Variants in PPEF1 observed in about 807,000 individuals in gnomAD.
PPEF1 encodes the protein serine/threonine-protein phosphatase with EF-hands 1.
Under a neutral mutation model 53.3 loss-of-function variants are expected in PPEF1, and 12 were observed. The observed-to-expected ratio is 0.23, with a 90% CI of 0.14 to 0.36. The LOEUF (loss-of-function observed/expected upper bound fraction) is 0.36, where lower values mean the gene tolerates loss of function less well. Ranked by LOEUF, PPEF1 falls within the 10% of genes least tolerant of loss-of-function variation. The pLI, the probability that PPEF1 is intolerant of heterozygous loss-of-function variation, is 1.00. For synonymous variants in PPEF1, 165 were observed against 176.7 expected, an observed-to-expected ratio of 0.93 and a Z score of 0.52; for missense variants, 334 against 490.4, an observed-to-expected ratio of 0.68 and a Z score of 3.01.
chrX:18,827,122 T>A lies in PPEF1; in HGVS notation c.1751-154T>A, dbSNP rs184817460. 7.9e-4 allele frequency among the ~76,000 whole-genome samples: 89 copies of A among 112,410 alleles called. 1 individual carries two copies. The highest frequency in any genetic ancestry group is 7.0e-3 in the Admixed American group (74 of 10,537). ...AAAGTGAGATATTGTTTCTTACATT[T>A]ATGATCTTACTCTTCCATATCCTTC... On this transcript the variant is annotated intron_variant, in intron 15 of 15. Transcript: ENST00000470157.
chrX:18,716,867 C>T (rs1422389975), intron 1 of PPEF1, among the ~76,000 whole-genome samples: 1 of 110,209 alleles, frequency 9.1e-6, no homozygotes, highest in East Asian at 2.8e-4. Context: ...TCCTCATTTT[C>T]CTCCTCAATG....
intron 2 of PPEF1, among the ~76,000 whole-genome samples, chrX:18,685,682 C>T (rs1263422898): frequency 2.5e-5 from 2 of 80,401 alleles, no homozygotes; most frequent in Admixed American, 1.5e-4. Context: ...GAGACTCCAT[C>T]TCAAAAAAAA....
intron 6 of PPEF1, among the ~76,000 whole-genome samples, chrX:18,766,173 G>A (rs2045769584): frequency 9.0e-6 from 1 of 110,682 alleles, no homozygotes; most frequent in South Asian, 3.9e-4. Flanking sequence ...GCTTGGGGGT[G>A]ATGGTGCTTG....
chrX:18,807,905 C>A (rs1340695471), intron 12 of PPEF1, among the ~76,000 whole-genome samples: 1 of 109,392 alleles, frequency 9.1e-6, no homozygotes, highest in Non-Finnish European at 1.9e-5. Flanking sequence ...GGTGATTTGC[C>A]CGCCTCGGCC....
intron 3 of PPEF1, among the ~76,000 whole-genome samples, chrX:18,737,288 A>G (rs1294323592): frequency 8.0e-5 from 9 of 111,851 alleles, no homozygotes; most frequent in Non-Finnish European, 1.7e-4. Context: ...CCCTCTACAC[A>G]CTGCTTTAAA....
At chrX:18,738,089 CTG>C (rs1334463181) in intron 3 of PPEF1, among the ~76,000 whole-genome samples, 1 of 110,957 alleles carries the variant, frequency 9.0e-6, no homozygotes, top group East Asian at 2.8e-4. Context: ...ATTTGCCAGT[CTG>C]TGTCTTTTAA....
chrX:18,729,757 A>G (rs1160775312), intron 1 of PPEF1, among the ~76,000 whole-genome samples: 1 of 112,390 alleles, frequency 8.9e-6, no homozygotes, highest in Non-Finnish European at 1.9e-5. Context: ...GTACGTAGTG[A>G]AGAATGGAAT....
chrX:18,827,554 C>T lies in PPEF1; in HGVS notation c.*67C>T, dbSNP rs2047191447. 2 of 871,065 alleles carry T rather than the reference C, an allele frequency of 2.3e-6. No individual in the cohort carries two copies. The highest frequency in any genetic ancestry group is 3.1e-5 in the East Asian group (1 of 31,868). 71.8% of individuals were successfully genotyped at this position (871,065 alleles called of 1,213,427 possible). ...GCCCAAATCACAAGTACAGTCCTTTCCAACACCCCTGAAATTCATAGTCAG... is the reference window on the plus strand; with the variant it reads ...GCCCAAATCACAAGTACAGTCCTTTTCAACACCCCTGAAATTCATAGTCAG... On this transcript the variant is annotated 3_prime_UTR_variant, in exon 16 of 16. Coordinates refer to ENST00000470157, the MANE Select transcript of PPEF1 (RefSeq NM_001377996.1).
At chrX:18,749,154 C>T (rs2045388859) in intron 3 of PPEF1, among the ~76,000 whole-genome samples, 2 of 111,769 alleles carry the variant, frequency 1.8e-5, no homozygotes, top group Non-Finnish European at 3.8e-5. Context: ...GCAGGCACTC[C>T]GTTATGTAGA....
intron 12 of PPEF1, among the ~76,000 whole-genome samples, chrX:18,807,090 C>T (rs902184057): frequency 1.6e-4 from 17 of 109,675 alleles, no homozygotes; most frequent in African/African-American, 5.0e-4. Flanking sequence ...AGTGCAGTGG[C>T]GTGATCTCAG....
chrX:18,792,978 A>G (rs950276447), intron 10 of PPEF1, among the ~76,000 whole-genome samples: 3 of 110,336 alleles, frequency 2.7e-5, no homozygotes, highest in South Asian at 3.8e-4. Flanking sequence ...ATTTCCTGTC[A>G]TAGCTGAAGT....
intron 14 of PPEF1, 76 bp downstream of exon 14, chrX:18,824,162 C>T (rs1416580524): frequency 5.9e-6 from 6 of 1,015,313 alleles, no homozygotes; most frequent in Non-Finnish European, 7.9e-6. Context: ...CTGGGAGTGG[C>T]CGGGCACAGT....
intron 11 of PPEF1, among the ~76,000 whole-genome samples, chrX:18,806,048 C>T (rs982164571): frequency 9.1e-6 from 1 of 110,316 alleles, no homozygotes. Flanking sequence ...GTTCTGAATG[C>T]TCAACTATTA....
At chrX:18,798,785 G>A (rs755783489) in intron 10 of PPEF1, among the ~76,000 whole-genome samples, 6 of 111,031 alleles carry the variant, frequency 5.4e-5, no homozygotes, top group Non-Finnish European at 7.6e-5. Flanking sequence ...CACCACGTCC[G>A]GCTAATTTTT....
At chrX:18,723,112 G>C (rs2044625763) in intron 1 of PPEF1, among the ~76,000 whole-genome samples, 1 of 110,273 alleles carries the variant, frequency 9.1e-6, no homozygotes, top group African/African-American at 3.3e-5. Flanking sequence ...AGCCTCCCAA[G>C]TAGCTGGGAT....
At chrX:18,808,187 G>A (rs113464634) in intron 12 of PPEF1, among the ~76,000 whole-genome samples, 37 of 106,820 alleles carry the variant, frequency 3.5e-4, no homozygotes, top group African/African-American at 1.2e-3. Context: ...GGATGGTCTC[G>A]ATCTCTTGAC....
At chrX:18,815,255 A>G (rs2046882006) in intron 12 of PPEF1, among the ~76,000 whole-genome samples, 1 of 111,477 alleles carries the variant, frequency 9.0e-6, no homozygotes, top group Non-Finnish European at 1.9e-5. Context: ...ATTTGCTAGT[A>G]TTTTGTTGAG....
chrX:18,727,199 C>T (rs932203162), intron 1 of PPEF1, among the ~76,000 whole-genome samples: 5 of 111,606 alleles, frequency 4.5e-5, no homozygotes, highest in Admixed American at 9.6e-5. Context: ...CTGTCAGCTT[C>T]GCAGTGTTGT....
chrX:18,716,041 C>T (rs939134841), intron 1 of PPEF1, among the ~76,000 whole-genome samples: 1 of 111,577 alleles, frequency 9.0e-6, no homozygotes, highest in Non-Finnish European at 1.9e-5. Context: ...GCTAAGAGGC[C>T]GACAAAGACA....
Sources: gnomAD v4.1 joint callset for allele counts (sites outside exome capture counted in the v4.1 genomes callset) on GRCh38, gnomAD v4.1.1 for gene constraint, MANE v1.5 for transcripts, NCBI Gene and HGNC (gene_info 2026-07-23, HGNC 2026-07-21) for gene names.